TGIF2: variants seen among roughly 807,000 people sequenced by gnomAD.
TGIF2 encodes TGFB induced factor homeobox 2, also known as homeobox protein TGIF2.
A neutral mutation model predicts 15.1 loss-of-function variants in TGIF2; 5 were observed. That is an observed-to-expected ratio of 0.33 (90% CI 0.17 to 0.70). The LOEUF is 0.70. Ranked by LOEUF, TGIF2 falls within the 30% of genes least tolerant of loss-of-function variation. The probability of loss-of-function intolerance (pLI) is 0.67; values close to 1 mark genes in which losing one functional copy is unlikely to be tolerated. For missense variants in TGIF2, 264 were observed against 302.5 expected, an observed-to-expected ratio of 0.87 and a Z score of 0.94; for synonymous variants, 131 against 128.9, an observed-to-expected ratio of 1.02 and a Z score of -0.11.
At chr20:36,578,639 A>C in intron 1 of TGIF2, 102 bp from the exon 2 acceptor site, 1 of 1,316,006 alleles carries the variant, frequency 7.6e-7, no homozygotes, top group South Asian at 1.5e-5. Context: ...CAACTACCCC[A>C]TTTCTGGTGT....
At chr20:36,586,125 G>A (rs183900505) in intron 2 of TGIF2, among the ~76,000 whole-genome samples, 42 of 152,310 alleles carry the variant, frequency 2.8e-4, no homozygotes, top group Middle Eastern at 3.4e-3. Flanking sequence ...TGGCTCCAAA[G>A]CTAGCTGCCC....
chr20:36,590,387 G>A (rs117006236), intron 2 of TGIF2, among the ~76,000 whole-genome samples: 2,818 of 152,270 alleles, frequency 0.019, 41 homozygotes, highest in Non-Finnish European at 0.027. Context: ...CTAAGTAGCT[G>A]GGATTGTAGG....
At position 36,592,271 on chromosome 20, in the gene TGIF2, C is replaced by T. The variant is rs2038781713; in HGVS notation, c.*840C>T. ...GGCAGTCCAGCAGACTCTGACTCAA[C>T]TTTCTAGGCACCTAGCAGAGAAAGA... On this transcript the variant is annotated 3_prime_UTR_variant, in exon 3 of 3. Transcript: ENST00000373872. 1 of 152,006 alleles carries T rather than the reference C, an allele frequency of 6.6e-6. No individual in the cohort carries two copies. The highest frequency in any genetic ancestry group is 1.5e-5 in the Non-Finnish European group (1 of 68,040). 9.4% of individuals were successfully genotyped at this position (152,006 alleles called of 1,614,324 possible).
At position 36,593,854 on chromosome 20, in the gene TGIF2, CACAGTTGTCCCATTGAATTATTTGAGCA is replaced by C. The variant is rs2038807174; in HGVS notation, c.*2425_*2452del. 1 of 152,696 alleles carries C rather than the reference CACAGTTGTCCCATTGAATTATTTGAGCA, an allele frequency of 6.5e-6. No homozygotes were observed. Among genetic ancestry groups the C allele is most frequent in the South Asian group, 2.1e-4 (1 of 4,814 alleles). 9.5% of individuals were successfully genotyped at this position (152,696 alleles called of 1,614,324 possible). ...TTGTAAGATAAACCTGGAGGAGAAG[CACAGTTGTCCCATTGAATTATTTGAGCA>C]AAAACTACTGTAAATAACTTTTTTG... On this transcript the variant is annotated 3_prime_UTR_variant, in exon 3 of 3. Transcript: ENST00000373872.
rs767836272 is a variant in TGIF2 at position 36,578,763 on chromosome 20, C to T, written c.-12C>T. 23 of 1,605,618 alleles carry T rather than the reference C, an allele frequency of 1.4e-5. No individual in the cohort carries two copies. In the East Asian group the frequency reaches 4.5e-4, roughly 31 times the overall value. ...CAGGTTTACCCAAGGTCCAGCCTAGCCCCTAGGCACCATGTCGGACAGTGA... is the reference window on the plus strand; with the variant it reads ...CAGGTTTACCCAAGGTCCAGCCTAGTCCCTAGGCACCATGTCGGACAGTGA... On this transcript the variant is annotated 5_prime_UTR_variant, in exon 2 of 3. Coordinates refer to ENST00000373872, the MANE Select transcript of TGIF2 (RefSeq NM_021809.7).
At chr20:36,582,025 C>G (rs2060468781) in intron 2 of TGIF2, among the ~76,000 whole-genome samples, 1 of 152,112 alleles carries the variant, frequency 6.6e-6, no homozygotes, top group African/African-American at 2.4e-5. Context: ...CACCTGAGGT[C>G]AGGAGTTCAA....
At chr20:36,574,142 CA>C (rs1555925183) in intron 1 of TGIF2, among the ~76,000 whole-genome samples, 2 of 150,456 alleles carry the variant, frequency 1.3e-5, no homozygotes, top group Non-Finnish European at 3.0e-5. Context: ...CCGAGCCGGA[CA>C]GGGGGCGGCC....
rs1569532492 is a variant in TGIF2 at position 36,585,230 on chromosome 20, T to TA, written c.193-5680_193-5679insA. On this transcript the variant is annotated intron_variant, in intron 2 of 2. Coordinates refer to ENST00000373872, the MANE Select transcript of TGIF2 (RefSeq NM_021809.7). ...AAAGAGAAAAAAGCTAGGCACAGTG[T>TA]CTCACGCCTGTAATCCCAACACTTT... Among the ~76,000 whole-genome samples the TA allele has an allele frequency of 3.1e-4, 47 of 150,292 alleles. 1 individual carries two copies. In the South Asian group the frequency reaches 9.9e-3, roughly 32 times the overall value.
At chr20:36,584,745 C>G (rs968253425) in intron 2 of TGIF2, among the ~76,000 whole-genome samples, 5 of 152,160 alleles carry the variant, frequency 3.3e-5, no homozygotes, top group African/African-American at 1.2e-4. Flanking sequence ...CAGGGTTTCA[C>G]CATTTTGGCC....
chr20:36,589,468 C>T (rs187985066), intron 2 of TGIF2, among the ~76,000 whole-genome samples: 1 of 152,010 alleles, frequency 6.6e-6, no homozygotes, highest in African/African-American at 2.4e-5. Context: ...TCATGGCTCA[C>T]TGCAACCTCT....
At chr20:36,585,173 G>A (rs375035134) in intron 2 of TGIF2, among the ~76,000 whole-genome samples, 1 of 151,784 alleles carries the variant, frequency 6.6e-6, no homozygotes, top group African/African-American at 2.4e-5. Context: ...ACTCCAGCCT[G>A]GGCAACAAGA....
At chr20:36,575,175 T>TG (rs1254547305) in intron 1 of TGIF2, among the ~76,000 whole-genome samples, 62 of 151,962 alleles carry the variant, frequency 4.1e-4, no homozygotes, top group African/African-American at 1.5e-3. Context: ...GCTGTATGCG[T>TG]CGGTGAAAAC....
At position 36,578,762 on chromosome 20, in the gene TGIF2, G is replaced by GC. The variant is rs754428630; in HGVS notation, c.-9dup. The GC allele has an allele frequency of 6.2e-7, 1 of 1,605,334 alleles. No individual in the cohort carries two copies. The highest frequency in any genetic ancestry group is 1.3e-5 in the African/African-American group (1 of 74,816). Reference sequence around the variant, plus strand: ...CCAGGTTTACCCAAGGTCCAGCCTAGCCCCTAGGCACCATGTCGGACAGTG... The same window carrying GC: ...CCAGGTTTACCCAAGGTCCAGCCTAGCCCCCTAGGCACCATGTCGGACAGTG... On this transcript the variant is annotated 5_prime_UTR_variant, in exon 2 of 3. Coordinates refer to ENST00000373872, the MANE Select transcript of TGIF2 (RefSeq NM_021809.7).
chr20:36,590,302 T>C (rs2038743061), intron 2 of TGIF2, among the ~76,000 whole-genome samples: 1 of 152,062 alleles, frequency 6.6e-6, no homozygotes, highest in Admixed American at 6.6e-5. Flanking sequence ...GACTTGATCC[T>C]GTAGGCAGTA....
rs1390836289 is a variant in TGIF2 at position 36,578,874 on chromosome 20, C to T, written c.100C>T (p.Arg34Trp). 13 of 1,613,982 alleles carry T rather than the reference C, an allele frequency of 8.1e-6. No individual in the cohort carries two copies. Among genetic ancestry groups the T allele is most frequent in the South Asian group, 1.1e-5 (1 of 91,080 alleles). Residue 34 changes from arginine (R) to tryptophan (W), a missense_variant, in exon 2 of 3, where the codon CGG (arginine) becomes TGG (tryptophan). Transcript: ENST00000373872. ...NLPKESVKIL[R>W]DWLYLHRYNA... ...GCCCAAGGAGTCGGTGAAGATCCTC[C>T]GGGACTGGCTGTACTTGCACCGCTA...
chr20:36,589,427 CTG>C (rs2038723910), intron 2 of TGIF2, among the ~76,000 whole-genome samples: 3 of 151,282 alleles, frequency 2.0e-5, no homozygotes, highest in Non-Finnish European at 2.9e-5. Context: ...GAGTCTCACT[CTG>C]TTACCCACGC....
Position 36,591,488 on chromosome 20 carries a change from G to A in TGIF2, c.*57G>A. On this transcript the variant is annotated 3_prime_UTR_variant, in exon 3 of 3. Coordinates refer to ENST00000373872, the MANE Select transcript of TGIF2 (RefSeq NM_021809.7). The surrounding 1 kb of genome is among the most constrained non-coding windows in gnomAD (Gnocchi z 5.3). Reference sequence around the variant, plus strand: ...GCCAGCTGTCCTGGGTTTCCGTTTTGGTTCCCTTTCATACAGAGGGTTTTC... The same window carrying A: ...GCCAGCTGTCCTGGGTTTCCGTTTTAGTTCCCTTTCATACAGAGGGTTTTC... 1 of 1,529,048 alleles carries A rather than the reference G, an allele frequency of 6.5e-7. No individual in the cohort carries two copies. The highest frequency in any genetic ancestry group is 8.8e-7 in the Non-Finnish European group (1 of 1,135,982). 94.7% of individuals were successfully genotyped at this position (1,529,048 alleles called of 1,614,324 possible). A position where few individuals can be genotyped will look rare whatever the true frequency, so the allele number is the denominator to read the frequency against.
intron 1 of TGIF2, among the ~76,000 whole-genome samples, chr20:36,576,602 C>T (rs779419933): frequency 6.6e-6 from 1 of 151,998 alleles, no homozygotes. Context: ...TCCTTTACAG[C>T]TTTATTGAGA....
intron 2 of TGIF2, among the ~76,000 whole-genome samples, chr20:36,587,463 T>TC (rs111889260): frequency 0.026 from 3,952 of 152,056 alleles, 141 homozygotes; most frequent in African/African-American, 0.076. Context: ...TGCCCATTTT[T>TC]CCCCTGCATC....
Sources: gnomAD v4.1 joint callset for allele counts (sites outside exome capture counted in the v4.1 genomes callset) on GRCh38, gnomAD v4.1.1 for gene constraint, Gnocchi (gnomAD v3.1) non-coding constraint, MANE v1.5 for transcripts, NCBI Gene and HGNC (gene_info 2026-07-23, HGNC 2026-07-21) for gene names.